Variants in MYPN observed in about 807,000 individuals in gnomAD.
The protein encoded by MYPN is sarcomeric protein myopalladin, 145 kDa (MYOP).
A neutral mutation model predicts 129.4 loss-of-function variants in MYPN; 63 were observed. The ratio of observed to expected loss-of-function variants is 0.49; its 90% CI spans 0.40 to 0.60. The LOEUF (loss-of-function observed/expected upper bound fraction) is 0.60. Among genes scored for constraint, MYPN ranks in the 20% least tolerant of loss-of-function variants. MYPN has a pLI of 0.00. For synonymous variants in MYPN, 629 were observed against 600.9 expected, an observed-to-expected ratio of 1.05 and a Z score of -0.68; for missense variants, 1,596 against 1,635.4, an observed-to-expected ratio of 0.98 and a Z score of 0.42.
At chr10:68,182,228 T>C (rs202076527) in intron 12 of MYPN, among the ~76,000 whole-genome samples, 5 of 127,620 alleles carry the variant, frequency 3.9e-5, no homozygotes, top group South Asian at 2.3e-4. Context: ...ATATAACACA[T>C]ATATATATAA....
intron 12 of MYPN, among the ~76,000 whole-genome samples, chr10:68,185,388 C>G (rs1255237061): frequency 6.6e-6 from 1 of 152,096 alleles, no homozygotes. Flanking sequence ...TTATGATTTA[C>G]CCATAGCAAG....
Position 68,166,583 on chromosome 10 carries a change from G to C in MYPN, c.1890G>C (p.Glu630Asp). ...AGACCAGGCCCGATTCTTTCCAGGA[G>C]AGGTTCAACGGACAGGCAACAAAAA... ...TRQTRPDSFQ[E>D]RFNGQATKTP... Residue 630 changes from glutamate to aspartate, a missense_variant, in exon 10 of 20, where the codon GAG becomes GAC. By Grantham distance (45) the Glu-to-Asp change is conservative. Coordinates refer to ENST00000358913, the MANE Select transcript of MYPN (RefSeq NM_032578.4). The C allele has an allele frequency of 1.9e-6, 3 of 1,614,134 alleles. No individual in the cohort carries two copies. The highest frequency in any genetic ancestry group is 2.5e-6 in the Non-Finnish European group (3 of 1,180,018).
At chr10:68,098,747 G>A (rs1481514295) in intron 1 of MYPN, among the ~76,000 whole-genome samples, 1 of 152,154 alleles carries the variant, frequency 6.6e-6, no homozygotes, top group Non-Finnish European at 1.5e-5. Context: ...GGAGGCTGAG[G>A]CAGGAGAATC....
chr10:68,089,364 T>G (rs1203887747), intron 1 of MYPN, among the ~76,000 whole-genome samples: 1 of 151,608 alleles, frequency 6.6e-6, no homozygotes, highest in East Asian at 2.0e-4. Flanking sequence ...TTGTTTGTTT[T>G]TGAGACTCGC....
At chr10:68,135,832 GAAGA>G (rs1045591791) in intron 2 of MYPN, among the ~76,000 whole-genome samples, 11 of 152,026 alleles carry the variant, frequency 7.2e-5, no homozygotes, top group African/African-American at 4.8e-5. Flanking sequence ...GTTCAGTAAG[GAAGA>G]GAGACACTAA....
At chr10:68,095,461 C>G (rs1052298711) in intron 1 of MYPN, among the ~76,000 whole-genome samples, 7 of 152,052 alleles carry the variant, frequency 4.6e-5, no homozygotes, top group African/African-American at 1.7e-4. Flanking sequence ...GAGAGCCTAT[C>G]ACAAATCACA....
At chr10:68,195,277 T>C (rs1326207549) in intron 14 of MYPN, among the ~76,000 whole-genome samples, 173 bp from the exon 15 acceptor site, 2 of 152,234 alleles carry the variant, frequency 1.3e-5, no homozygotes, top group Non-Finnish European at 2.9e-5. Flanking sequence ...TCTCTCCCCC[T>C]GGAATATTAA....
chr10:68,094,025 G>A lies in MYPN; in HGVS notation c.-2+6033G>A, dbSNP rs187445176. On this transcript the variant is annotated intron_variant, in intron 1 of 6. Transcript: ENST00000685154. ...TGAGTGGGAGTGTCTTTTAGCATGC[G>A]AATATACTATAATTAGCGTATAATG... Among the ~76,000 whole-genome samples, 391 of 152,158 alleles carry A rather than the reference G, an allele frequency of 2.6e-3. 2 individuals are homozygous for A. The highest frequency in any genetic ancestry group is 4.3e-3 in the Non-Finnish European group (295 of 68,010).
chr10:68,178,492 A>G (rs1377756697), intron 12 of MYPN, among the ~76,000 whole-genome samples: 1 of 152,052 alleles, frequency 6.6e-6, no homozygotes. Flanking sequence ...AGACAGGCGG[A>G]TCACTTGAGG....
chr10:68,168,253 C>T (rs1037140726), intron 10 of MYPN, among the ~76,000 whole-genome samples: 1 of 152,138 alleles, frequency 6.6e-6, no homozygotes, highest in African/African-American at 2.4e-5. Flanking sequence ...GTACACTCAA[C>T]TGTTAGAGGA....
chr10:68,208,377 T>C (rs1364435686), intron 19 of MYPN, among the ~76,000 whole-genome samples: 1 of 152,180 alleles, frequency 6.6e-6, no homozygotes, highest in Admixed American at 6.5e-5. Context: ...GGAGAAAATA[T>C]ATAATTTTCT....
rs777726248 is a variant in MYPN, at chr10:68,166,291, C to T, written c.1601-3C>T. On this transcript the variant is annotated splice_region_variant and splice_polypyrimidine_tract_variant and intron_variant, in intron 9 of 19. Coordinates refer to ENST00000358913, the MANE Select transcript of MYPN (RefSeq NM_032578.4). Reference sequence around the variant, plus strand: ...AGCTCAGGTCCTGTGATTGTCCTTTCAGGAAATGAGGACCTCAGCAACAAC... The same window carrying T: ...AGCTCAGGTCCTGTGATTGTCCTTTTAGGAAATGAGGACCTCAGCAACAAC... The T allele has an allele frequency of 6.2e-7, 1 of 1,614,064 alleles. No homozygotes were observed. The highest frequency in any genetic ancestry group is 1.1e-5 in the South Asian group (1 of 91,074).
upstream of MYPN, among the ~76,000 whole-genome samples, chr10:68,104,620 C>T (rs1204687347): frequency 1.3e-5 from 2 of 152,074 alleles, no homozygotes; most frequent in African/African-American, 4.8e-5. Flanking sequence ...GAGTTTATTG[C>T]AAGCATTTGC....
intron 1 of MYPN, among the ~76,000 whole-genome samples, chr10:68,113,015 T>C (rs535567251): frequency 7.9e-5 from 12 of 152,336 alleles, no homozygotes; most frequent in Admixed American, 3.9e-4. Flanking sequence ...GGTGATATCA[T>C]TGGATATAGA....
At chr10:68,182,904 G>A (rs949542832) in intron 12 of MYPN, among the ~76,000 whole-genome samples, 2 of 152,132 alleles carry the variant, frequency 1.3e-5, no homozygotes, top group Admixed American at 6.5e-5. Context: ...AGCCAAGTGT[G>A]TATTTACTAT....
At chr10:68,101,289 G>C (rs1484226211), upstream of MYPN, among the ~76,000 whole-genome samples, 1 of 152,214 alleles carries the variant, frequency 6.6e-6, no homozygotes, top group Non-Finnish European at 1.5e-5. Flanking sequence ...ACAAAGGCAC[G>C]AAGTAAAGAG....
chr10:68,192,257 A>G (rs2043526488), intron 13 of MYPN, among the ~76,000 whole-genome samples: 1 of 152,082 alleles, frequency 6.6e-6, no homozygotes, highest in Non-Finnish European at 1.5e-5. Flanking sequence ...TGAAATGATC[A>G]TATGGTTTTT....
intron 1 of MYPN, among the ~76,000 whole-genome samples, chr10:68,096,388 C>A (rs776543601): frequency 4.6e-5 from 7 of 152,054 alleles, no homozygotes; most frequent in Non-Finnish European, 7.4e-5. Context: ...ATGGTGAAGC[C>A]CCGTCTCTAC....
chr10:68,191,319 G>A (rs10998004), intron 13 of MYPN, among the ~76,000 whole-genome samples: 8,199 of 151,702 alleles, frequency 0.054, 261 homozygotes, highest in Middle Eastern at 0.065. Flanking sequence ...CTGGGTTCAA[G>A]CGATTCTCCT....
Sources: gnomAD v4.1 joint callset for allele counts (sites outside exome capture counted in the v4.1 genomes callset) on GRCh38, gnomAD v4.1.1 for gene constraint, MANE v1.5 for transcripts, NCBI Gene and HGNC (gene_info 2026-07-23, HGNC 2026-07-21) for gene names.